The following CCDC141 variants were observed in gnomAD, a reference collection of about 807,000 sequenced individuals.
CCDC141 encodes the protein coiled-coil domain-containing protein 141.
In CCDC141, 168 loss-of-function variants were observed where a neutral mutation model predicts 181.0. The ratio of observed to expected loss-of-function variants is 0.93; its 90% CI spans 0.82 to 1.05. The LOEUF (loss-of-function observed/expected upper bound fraction) is 1.05, where lower values mean the gene tolerates loss of function less well. Among genes scored for constraint, CCDC141 ranks in the 50% least tolerant of loss-of-function variants. The probability of loss-of-function intolerance (pLI) is 0.00; values close to 1 mark genes in which losing one functional copy is unlikely to be tolerated. For synonymous variants in CCDC141, 666 were observed against 642.3 expected, an observed-to-expected ratio of 1.04 and a Z score of -0.56; for missense variants, 1,902 against 1,788.5, an observed-to-expected ratio of 1.06 and a Z score of -1.14.
At chr2:178,881,560 C>G (rs944811681) in intron 11 of CCDC141, among the ~76,000 whole-genome samples, 1 of 151,858 alleles carries the variant, frequency 6.6e-6, no homozygotes, top group Non-Finnish European at 1.5e-5. Flanking sequence ...CTTAAAAGAA[C>G]GTTTTTAATG....
At chr2:178,861,168 C>CT (rs869078606) in intron 17 of CCDC141, among the ~76,000 whole-genome samples, 61 of 144,622 alleles carry the variant, frequency 4.2e-4, no homozygotes, top group African/African-American at 6.0e-4. Flanking sequence ...GATGTTTGTG[C>CT]TTTTTTTTTT....
In CCDC141 at chr2:178,981,655, T is replaced by C. The variant is rs887097005; in HGVS notation, c.226-2980A>G. Among the ~76,000 whole-genome samples, 14 of 136,420 alleles carry C rather than the reference T, an allele frequency of 1.0e-4. No individual in the cohort carries two copies. In the East Asian group the frequency reaches 2.0e-3, roughly 20 times the overall value. 89.5% of individuals were successfully genotyped at this position (136,420 alleles called of 152,430 possible). On this transcript the variant is annotated intron_variant, in intron 2 of 23. Coordinates refer to ENST00000443758, the MANE Select transcript of CCDC141 (RefSeq NM_173648.4). ...GTGTGTGTATATATATATATATATA[T>C]ATACATACATATATACATATATATA...
chr2:178,887,874 T>A (rs1274526110), intron 9 of CCDC141, among the ~76,000 whole-genome samples: 7 of 152,214 alleles, frequency 4.6e-5, no homozygotes, highest in Admixed American at 4.6e-4. Context: ...CACTGAGATA[T>A]TACTAGTTTT....
At chr2:178,866,338 G>A (rs1034033486) in intron 16 of CCDC141, among the ~76,000 whole-genome samples, 3 of 152,196 alleles carry the variant, frequency 2.0e-5, no homozygotes, top group African/African-American at 7.2e-5. Context: ...CAGGGCCAAG[G>A]CCAGAAGAGG....
At chr2:178,944,843 G>A (rs867005545) in intron 5 of CCDC141, among the ~76,000 whole-genome samples, 192 bp from the exon 6 acceptor site, 4 of 151,844 alleles carry the variant, frequency 2.6e-5, no homozygotes, top group Admixed American at 6.6e-5. Context: ...ATGCATAAAA[G>A]AGAAAAAATC....
intron 2 of CCDC141, 72 bp from the exon 3 acceptor site, chr2:178,978,747 A>G: frequency 8.6e-7 from 1 of 1,164,570 alleles, no homozygotes; most frequent in East Asian, 2.9e-5. Context: ...CATTTTAAAC[A>G]CTTGGATAGT....
chr2:178,826,965 A>C (rs897658563), downstream of CCDC141, among the ~76,000 whole-genome samples: 4 of 151,792 alleles, frequency 2.6e-5, no homozygotes, highest in Admixed American at 2.6e-4. Flanking sequence ...ATGATTTTAG[A>C]TTTTTTTCTT....
At chr2:178,855,703 C>G (rs1473849237) in intron 18 of CCDC141, among the ~76,000 whole-genome samples, 162 bp from the exon 19 acceptor site, 1 of 152,168 alleles carries the variant, frequency 6.6e-6, no homozygotes, top group Non-Finnish European at 1.5e-5. Flanking sequence ...GGTTTCCCCC[C>G]AAATTCTATT....
chr2:178,815,076 T>A, the CCDC141 span, among the ~76,000 whole-genome samples: 2 of 152,320 alleles, frequency 1.3e-5, no homozygotes, highest in East Asian at 3.9e-4. Flanking sequence ...GTTGGCACTT[T>A]AATCTTCGAA....
chr2:178,828,635 C>T (rs1684160195), downstream of CCDC141, among the ~76,000 whole-genome samples: 2 of 152,282 alleles, frequency 1.3e-5, no homozygotes, highest in African/African-American at 4.8e-5. Context: ...TGGGCATATT[C>T]CCCTTTCTGA....
chr2:178,856,988 G>A (rs565226950), intron 17 of CCDC141, among the ~76,000 whole-genome samples: 15 of 152,212 alleles, frequency 9.9e-5, no homozygotes, highest in African/African-American at 3.4e-4. Flanking sequence ...AATACTTTTC[G>A]ATTTGTAATT....
chr2:178,976,805 A>G, intron 3 of CCDC141, among the ~76,000 whole-genome samples: 1 of 152,214 alleles, frequency 6.6e-6, no homozygotes, highest in Admixed American at 6.5e-5. Context: ...CTTCAAAAAG[A>G]AAAGAAAATT....
intron 2 of CCDC141, among the ~76,000 whole-genome samples, chr2:178,986,048 C>T (rs1261582297): frequency 2.0e-5 from 3 of 152,150 alleles, no homozygotes; most frequent in Admixed American, 1.3e-4. Flanking sequence ...CCTTGATGAA[C>T]ATTGATGCAA....
intron 7 of CCDC141, among the ~76,000 whole-genome samples, chr2:178,916,950 T>TTTTA (rs993602533): frequency 4.0e-5 from 6 of 150,772 alleles, no homozygotes; most frequent in African/African-American, 1.5e-4. Context: ...TTTTTTTTTT[T>TTTTA]AAAAAAAAGG....
rs1298453028 is a variant in CCDC141 at position 178,829,797 on chromosome 2, T to C, written c.*4376A>G. On this transcript the variant is annotated 3_prime_UTR_variant, in exon 24 of 24. Coordinates refer to ENST00000443758, the MANE Select transcript of CCDC141 (RefSeq NM_173648.4). The stretch of plus-strand genomic sequence containing the variant: ...TTTTATTTTGTTTCAACTAACTTAT[T>C]TCATGGCTGCACTTAAAATGCTGTG... 6.6e-6 allele frequency: 1 copy of C among 152,218 alleles called. No homozygotes were observed. Among genetic ancestry groups the C allele is most frequent in the Non-Finnish European group, 1.5e-5 (1 of 68,034 alleles). The allele number at this position is 152,218 out of a possible 1,614,324, so 9.4% of individuals were successfully genotyped here. A position where few individuals can be genotyped will look rare whatever the true frequency, so the allele number is the denominator to read the frequency against.
chr2:178,952,202 T>C (rs996355823), intron 5 of CCDC141, among the ~76,000 whole-genome samples: 7 of 152,148 alleles, frequency 4.6e-5, no homozygotes, highest in East Asian at 1.9e-4. Context: ...GACTATCTAG[T>C]GGTTTATGGA....
intron 11 of CCDC141, among the ~76,000 whole-genome samples, chr2:178,880,425 T>C (rs1046639534): frequency 3.3e-5 from 5 of 151,980 alleles, no homozygotes; most frequent in South Asian, 2.1e-4. Context: ...GGGGGAAATA[T>C]AGGAGGCAAA....
rs1394513250 is a variant in CCDC141, at chr2:178,837,711, T to C, written c.3508A>G (p.Asn1170Asp). The C allele has an allele frequency of 6.2e-7, 1 of 1,613,038 alleles. No individual in the cohort carries two copies. Among genetic ancestry groups the C allele is most frequent in the East Asian group, 2.2e-5 (1 of 44,856 alleles). The change falls in exon 23 of 24, where the codon AAT (asparagine) becomes GAT (aspartate). Residue 1170 changes from asparagine (N) to aspartate (D), a missense_variant. Asn to Asp is a conservative substitution (Grantham distance 23). Coordinates refer to ENST00000443758, the MANE Select transcript of CCDC141 (RefSeq NM_173648.4). Reference protein sequence around the residue: ...QVQVADLLGINGTGEERLPQD... With the variant: ...QVQVADLLGIDGTGEERLPQD... ...GGTAGTCGCTCTTCCCCTGTTCCAT[T>C]GATGCCCAAAAGATCTGCCACCTGC...
intron 2 of CCDC141, among the ~76,000 whole-genome samples, chr2:179,005,864 C>T (rs2042110268): frequency 6.6e-6 from 1 of 152,196 alleles, no homozygotes; most frequent in South Asian, 2.1e-4. Flanking sequence ...CCCACCTTGG[C>T]CTCCCAAAGT....
Sources: gnomAD v4.1 joint callset for allele counts (sites outside exome capture counted in the v4.1 genomes callset) on GRCh38, gnomAD v4.1.1 for gene constraint, MANE v1.5 for transcripts, NCBI Gene and HGNC (gene_info 2026-07-23, HGNC 2026-07-21) for gene names.